The following PTPN12 variants were observed in gnomAD, a reference collection of about 807,000 sequenced individuals.
PTPN12 encodes protein tyrosine phosphatase non-receptor type 12.
PTPN12 carries 29 observed loss-of-function variants against 97.6 expected under a neutral mutation model. That is an observed-to-expected ratio of 0.30 (90% CI 0.22 to 0.41). The LOEUF is 0.41. Among genes scored for constraint, PTPN12 ranks in the 10% least tolerant of loss-of-function variants. PTPN12 has a pLI of 1.00. For missense variants in PTPN12, 819 were observed against 926.0 expected, an observed-to-expected ratio of 0.88 and a Z score of 1.50; for synonymous variants, 327 against 300.4, an observed-to-expected ratio of 1.09 and a Z score of -0.91.
chr7:77,565,033 G>C (rs1808202063), intron 1 of PTPN12, among the ~76,000 whole-genome samples: 1 of 152,070 alleles, frequency 6.6e-6, no homozygotes, highest in South Asian at 2.1e-4. Context: ...TGGGATTAGA[G>C]GCATGAGCCA....
chr7:77,539,605 G>GTTGT (rs1292726378), intron 1 of PTPN12, among the ~76,000 whole-genome samples: 3 of 151,366 alleles, frequency 2.0e-5, no homozygotes, highest in Non-Finnish European at 4.4e-5. Flanking sequence ...TTTGGGTTTT[G>GTTGT]TTGTTTGGTT....
chr7:77,612,334 A>T (rs1165993071), intron 11 of PTPN12, among the ~76,000 whole-genome samples: 3 of 152,254 alleles, frequency 2.0e-5, no homozygotes, highest in African/African-American at 7.2e-5. Context: ...ATTATTGTGC[A>T]AGGAAATCCT....
Position 77,627,617 on chromosome 7 carries a change from G to A in PTPN12, c.1938G>A (p.Leu646=), listed in dbSNP as rs1191414272. Residue 646 remains leucine (L), a synonymous_variant, in exon 13 of 18, where the codon TTG becomes TTA. Transcript: ENST00000248594. ...STESISTRKV[L]PMSIARHNIA... is the part of the protein sequence containing the mutation. Reference sequence around the variant, plus strand: ...AAAGCATTTCTACTAGGAAAGTATTGCCAATGTCCATTGCTAGACATAATA... The same window carrying A: ...AAAGCATTTCTACTAGGAAAGTATTACCAATGTCCATTGCTAGACATAATA... 1.9e-6 allele frequency: 3 copies of A among 1,611,442 alleles called. No homozygotes were observed. The highest frequency in any genetic ancestry group is 2.5e-6 in the Non-Finnish European group (3 of 1,179,052).
At chr7:77,596,071 G>C (rs1420399561) in intron 6 of PTPN12, among the ~76,000 whole-genome samples, 1 of 152,170 alleles carries the variant, frequency 6.6e-6, no homozygotes, top group Non-Finnish European at 1.5e-5. Flanking sequence ...GGATATGGTG[G>C]TTGGTACTGA....
intron 11 of PTPN12, among the ~76,000 whole-genome samples, chr7:77,618,258 CT>C (rs1226671007): frequency 6.6e-6 from 1 of 152,078 alleles, no homozygotes; most frequent in African/African-American, 2.4e-5. Flanking sequence ...ACACCTTGAT[CT>C]TTCCAGTAAC....
At chr7:77,596,838 A>C (rs888513947) in intron 6 of PTPN12, among the ~76,000 whole-genome samples, 2 of 152,204 alleles carry the variant, frequency 1.3e-5, no homozygotes, top group South Asian at 4.1e-4. Context: ...CTACCAGAGC[A>C]GTCTCTTTGT....
chr7:77,597,589 G>A (rs1016955720), intron 6 of PTPN12, among the ~76,000 whole-genome samples: 1 of 152,094 alleles, frequency 6.6e-6, no homozygotes, highest in Non-Finnish European at 1.5e-5. Flanking sequence ...TATTAATGGG[G>A]TACATGTGAT....
At chr7:77,573,385 A>G (rs774782662) in intron 2 of PTPN12, among the ~76,000 whole-genome samples, 6 of 152,124 alleles carry the variant, frequency 3.9e-5, no homozygotes, top group Non-Finnish European at 7.4e-5. Context: ...TGGCTCATAG[A>G]TGGTGCCTTC....
At position 77,610,860 on chromosome 7, in the gene PTPN12, C is replaced by T; in HGVS notation, c.840+18C>T. ...AAACAAAGGTATAGTTGTTTGTTTC[C>T]CTTTATAAACTGCTATTTTATAAAT... On this transcript the variant is annotated intron_variant, in intron 10 of 17. Transcript: ENST00000248594. The T allele has an allele frequency of 6.3e-7, 1 of 1,589,786 alleles. No individual in the cohort carries two copies.
chr7:77,632,065 C>T (rs1789416967), intron 13 of PTPN12, among the ~76,000 whole-genome samples: 1 of 152,162 alleles, frequency 6.6e-6, no homozygotes, highest in Non-Finnish European at 1.5e-5. Flanking sequence ...AGTCACTTGC[C>T]AGCTGACTTC....
chr7:77,627,635 A>G lies in PTPN12; in HGVS notation c.1956A>G (p.Arg652=), dbSNP rs761697400. Residue 652 remains arginine (R), a synonymous_variant, in exon 13 of 18, where the codon AGA becomes AGG. Transcript: ENST00000248594. ...TRKVLPMSIA[R]HNIAGTTHSG... is the part of the protein sequence containing the mutation. ...AAGTATTGCCAATGTCCATTGCTAG[A>G]CATAATATAGCAGGAACAACACATT... 1.9e-6 allele frequency: 3 copies of G among 1,603,296 alleles called. No homozygotes were observed. Among genetic ancestry groups the G allele is most frequent in the East Asian group, 2.2e-5 (1 of 44,786 alleles).
chr7:77,556,916 A>C (rs1807741586), intron 1 of PTPN12, among the ~76,000 whole-genome samples: 1 of 152,048 alleles, frequency 6.6e-6, no homozygotes, highest in East Asian at 1.9e-4. Context: ...TAAAACAAAA[A>C]TGTGGGGTCC....
intron 8 of PTPN12, among the ~76,000 whole-genome samples, chr7:77,606,097 T>C (rs898854829): frequency 6.6e-6 from 1 of 151,922 alleles, no homozygotes; most frequent in African/African-American, 2.4e-5. Flanking sequence ...TGGGATTGCG[T>C]GTGTCTGCCA....
At chr7:77,550,559 A>C (rs186106889) in intron 1 of PTPN12, among the ~76,000 whole-genome samples, 84 of 152,272 alleles carry the variant, frequency 5.5e-4, no homozygotes, top group African/African-American at 1.9e-3. Context: ...AAGAGTAATG[A>C]ATGCCCTTTA....
At chr7:77,587,832 C>T (rs1787740793) in intron 5 of PTPN12, among the ~76,000 whole-genome samples, 2 of 152,236 alleles carry the variant, frequency 1.3e-5, no homozygotes, top group African/African-American at 4.8e-5. Flanking sequence ...GCCTCTAAAT[C>T]AGAATTTGGT....
chr7:77,621,308 G>A (rs1181184151), intron 12 of PTPN12, among the ~76,000 whole-genome samples: 1 of 152,044 alleles, frequency 6.6e-6, no homozygotes, highest in Non-Finnish European at 1.5e-5. Context: ...AATACCTCCT[G>A]AAGAACCTGC....
At chr7:77,568,422 C>A (rs901482398) in intron 1 of PTPN12, among the ~76,000 whole-genome samples, 2 of 152,248 alleles carry the variant, frequency 1.3e-5, no homozygotes, top group African/African-American at 4.8e-5. Context: ...ATTGCTGGAG[C>A]CCAGGAGTTC....
chr7:77,600,324 C>T (rs41280950), intron 7 of PTPN12, among the ~76,000 whole-genome samples: 2,790 of 152,224 alleles, frequency 0.018, 34 homozygotes, highest in Middle Eastern at 0.071. Flanking sequence ...GTTATGTTTA[C>T]AGTACATGCT....
At chr7:77,563,517 C>T (rs1253494653) in intron 1 of PTPN12, among the ~76,000 whole-genome samples, 1 of 152,150 alleles carries the variant, frequency 6.6e-6, no homozygotes, top group Non-Finnish European at 1.5e-5. Context: ...GGAAAAATTT[C>T]ATGAAGATGA....
Sources: allele counts gnomAD v4.1 joint callset (sites outside exome capture counted in the v4.1 genomes callset), GRCh38; gene constraint gnomAD v4.1.1; transcripts MANE v1.5; gene names NCBI Gene and HGNC (gene_info 2026-07-23, HGNC 2026-07-21).